The following OR1L8 variants were observed in gnomAD, a reference collection of about 807,000 sequenced individuals.
OR1L8 encodes olfactory receptor 1L8.
For synonymous variants in OR1L8, 148 were observed against 147.0 expected (o/e 1.01, Z -0.05); for missense variants, 330 against 377.4 (o/e 0.87, Z 1.04).
At chr9:122,549,037 T>A in the OR1L8 span, among the ~76,000 whole-genome samples, 15 of 152,156 alleles carry the variant, frequency 9.9e-5, no homozygotes, top group South Asian at 2.9e-3. Context: ...TCATGAATTA[T>A]TTGCTTAGAT....
the OR1L8 span, among the ~76,000 whole-genome samples, chr9:122,550,875 A>G: frequency 6.6e-6 from 1 of 152,104 alleles, no homozygotes; most frequent in African/African-American, 2.4e-5. Context: ...CTCCTATTCA[A>G]CATGATACTG....
the OR1L8 span, chr9:122,554,163 T>C: frequency 2.2e-5 from 35 of 1,606,706 alleles, no homozygotes; most frequent in East Asian, 4.9e-4. Context: ...CTTTTTATGA[T>C]TAGACATCTA....
In OR1L8 at chr9:122,568,158, G is replaced by A; in HGVS notation, c.320C>T (p.Ala107Val). The change falls in exon 5 of 5, where the codon GCC becomes GTC. Residue 107 changes from alanine to valine, a missense_variant. Ala to Val is a moderately conservative substitution (Grantham distance 64). Transcript: ENST00000641027. The stretch of plus-strand genomic sequence containing the variant: ...AAGGCAGCTGTCACTGTTGCCCAAG[G>A]CATAGAGAAAATACATCTGTGTCAG... ...GCLTQMYFLY[A>V]LGNSDSCLLA... is the part of the protein sequence containing the mutation. 6.2e-7 allele frequency: 1 copy of A among 1,614,148 alleles called. No homozygotes were observed. Among genetic ancestry groups the A allele is most frequent in the Non-Finnish European group, 8.5e-7 (1 of 1,180,002 alleles).
At chr9:122,552,039 A>ACTCTCTCTCTCT in the OR1L8 span, among the ~76,000 whole-genome samples, 60 of 89,392 alleles carry the variant, frequency 6.7e-4, no homozygotes, top group Non-Finnish European at 1.0e-3. Context: ...GGACACATAC[A>ACTCTCTCTCTCT]CACACACACA....
At chr9:122,556,820 G>A in the OR1L8 span, among the ~76,000 whole-genome samples, 1 of 152,274 alleles carries the variant, frequency 6.6e-6, no homozygotes, top group South Asian at 2.1e-4. Flanking sequence ...AGGCTATGTT[G>A]AATCTATTAA....
the OR1L8 span, chr9:122,553,356 A>T: frequency 1.9e-6 from 3 of 1,613,904 alleles, no homozygotes; most frequent in Non-Finnish European, 2.5e-6. Flanking sequence ...CCTGCTCATT[A>T]TCCTGGCCAT....
the OR1L8 span, among the ~76,000 whole-genome samples, chr9:122,556,520 G>T: frequency 6.6e-6 from 1 of 151,900 alleles, no homozygotes; most frequent in Non-Finnish European, 1.5e-5. Context: ...CCTGTTGGGG[G>T]TTAGGGGACA....
the OR1L8 span, among the ~76,000 whole-genome samples, chr9:122,552,057 A>ACT: frequency 4.2e-4 from 60 of 144,168 alleles, no homozygotes; most frequent in South Asian, 8.6e-4. Flanking sequence ...ACACACATAC[A>ACT]CTCTCTCTCT....
the OR1L8 span, chr9:122,553,923 T>C: frequency 6.2e-6 from 10 of 1,613,922 alleles, no homozygotes; most frequent in Non-Finnish European, 8.5e-6. Flanking sequence ...TGGAGGGAGA[T>C]GGAAGGCCTT....
chr9:122,553,113 A>C, the OR1L8 span: 1 of 1,247,378 alleles, frequency 8.0e-7, no homozygotes, highest in Non-Finnish European at 1.1e-6. Context: ...CTCCCAGCAC[A>C]GTTCTGGCCA....
chr9:122,568,427 T>A lies in OR1L8; in HGVS notation c.51A>T (p.Gly17=), dbSNP rs764270017. ...TSSVSEFILL[G]LSSRPEDQKT... Reference sequence around the variant, plus strand: ...TTTGGTCCTCAGGCCGGGAGGAGAGTCCCAGGAGGATAAACTCGGAGACAC... The same window carrying A: ...TTTGGTCCTCAGGCCGGGAGGAGAGACCCAGGAGGATAAACTCGGAGACAC... The change falls in exon 5 of 5, where the codon GGA becomes GGT. Residue 17 remains glycine, a synonymous_variant. Coordinates refer to ENST00000641027, the MANE Select transcript of OR1L8 (RefSeq NM_001004454.2). The A allele has an allele frequency of 4.3e-5, 70 of 1,611,358 alleles. 2 individuals are homozygous for A. In the East Asian group the frequency reaches 1.5e-3, roughly 35 times the overall value.
At chr9:122,552,039 A>ACTCTCTCTCTGTCTCT in the OR1L8 span, among the ~76,000 whole-genome samples, 1 of 89,386 alleles carries the variant, frequency 1.1e-5, no homozygotes, top group Non-Finnish European at 2.1e-5. Context: ...GGACACATAC[A>ACTCTCTCTCTGTCTCT]CACACACACA....
At chr9:122,548,805 TG>T in the OR1L8 span, among the ~76,000 whole-genome samples, 5 of 41,130 alleles carry the variant, frequency 1.2e-4, 1 homozygote, top group South Asian at 9.3e-3. Context: ...CTGTGTGTTT[TG>T]TTGTTGTTGT....
chr9:122,549,882 C>A, the OR1L8 span, among the ~76,000 whole-genome samples: 1 of 151,910 alleles, frequency 6.6e-6, no homozygotes, highest in Non-Finnish European at 1.5e-5. Flanking sequence ...GGATTTTTTT[C>A]TAATTCTATG....
In OR1L8 at chr9:122,567,265, T is replaced by C. The variant is rs1829444905; in HGVS notation, c.*283A>G. On this transcript the variant is annotated 3_prime_UTR_variant, in exon 5 of 5. Coordinates refer to ENST00000641027, the MANE Select transcript of OR1L8 (RefSeq NM_001004454.2). The stretch of plus-strand genomic sequence containing the variant: ...GGAGAGAAATTTGTTTAGGAAATAT[T>C]CATGGGGAAAGGATTAGATTAAAGC... The C allele has an allele frequency of 3.6e-6, 1 of 278,848 alleles. No homozygotes were observed. The highest frequency in any genetic ancestry group is 4.7e-5 in the Admixed American group (1 of 21,058). The allele number at this position is 278,848 out of a possible 1,614,324, so 17.3% of individuals were successfully genotyped here. A position where few individuals can be genotyped will look rare whatever the true frequency, so the allele number is the denominator to read the frequency against.
chr9:122,553,915 G>A, the OR1L8 span: 1 of 1,613,636 alleles, frequency 6.2e-7, no homozygotes, highest in Non-Finnish European at 8.5e-7. Flanking sequence ...TCATCTCCTG[G>A]AGGGAGATGG....
downstream of OR1L8, among the ~76,000 whole-genome samples, chr9:122,563,269 T>A (rs191632367): frequency 5.9e-5 from 9 of 152,310 alleles, no homozygotes; most frequent in Admixed American, 5.9e-4. Context: ...TTGTTTTTAT[T>A]TTTAAATTTT....
At chr9:122,581,942 A>C (rs987546175) in intron 1 of OR1L8, among the ~76,000 whole-genome samples, 2 of 152,216 alleles carry the variant, frequency 1.3e-5, no homozygotes, top group Non-Finnish European at 2.9e-5. Context: ...TGAATAAATA[A>C]GTAAATAAAG....
At chr9:122,574,133 G>A (rs532546953) in intron 3 of OR1L8, among the ~76,000 whole-genome samples, 11 of 152,170 alleles carry the variant, frequency 7.2e-5, no homozygotes, top group African/African-American at 2.6e-4. Flanking sequence ...TTGAAGTCAG[G>A]TAGTGTCAGT....
Sources: gnomAD v4.1 joint callset for allele counts (sites outside exome capture counted in the v4.1 genomes callset) on GRCh38, gnomAD v4.1.1 for gene constraint, MANE v1.5 for transcripts, NCBI Gene and HGNC (gene_info 2026-07-23, HGNC 2026-07-21) for gene names.